Variants in AACS observed in about 807,000 individuals in gnomAD.
The protein encoded by AACS is acetoacetate-CoA ligase.
In AACS, 69 loss-of-function variants were observed where a neutral mutation model predicts 83.1. That is an observed-to-expected ratio of 0.83 (90% CI 0.68 to 1.01). The LOEUF is 1.01. AACS is among the 50% of genes least tolerant of loss of function. The pLI, the probability that AACS is intolerant of heterozygous loss-of-function variation, is 0.00. For missense variants in AACS, 866 were observed against 882.2 expected (o/e 0.98, Z 0.23); for synonymous variants, 333 against 343.4 (o/e 0.97, Z 0.33).
intron 14 of AACS, among the ~76,000 whole-genome samples, chr12:125,131,537 C>T (rs1294858842): frequency 6.6e-6 from 1 of 151,984 alleles, no homozygotes; most frequent in Non-Finnish European, 1.5e-5. Flanking sequence ...AAAGGAAGTA[C>T]ATATGTGTGA....
chr12:125,129,351 A>G lies in AACS; in HGVS notation c.1440A>G (p.Gly480=). ...AWNEEGKAVW[G]ESGELVCTKP... is the part of the protein sequence containing the mutation. Reference sequence around the variant, plus strand: ...CCATACCAGGAAAGGCGGTCTGGGGAGAGAGCGGCGAGCTGGTGTGTACTA... The same window carrying G: ...CCATACCAGGAAAGGCGGTCTGGGGGGAGAGCGGCGAGCTGGTGTGTACTA... The change falls in exon 14 of 18, where the codon GGA becomes GGG. Residue 480 remains glycine, a synonymous_variant. Transcript: ENST00000316519. This position sits in a 1 kb window ranked among gnomAD's most constrained non-coding sequence, Gnocchi z 4.3. The G allele has an allele frequency of 1.9e-6, 3 of 1,613,292 alleles. No homozygotes were observed. Among genetic ancestry groups the G allele is most frequent in the Admixed American group, 3.3e-5 (2 of 59,904 alleles).
At chr12:125,132,190 A>C (rs1957337942) in intron 14 of AACS, among the ~76,000 whole-genome samples, 1 of 152,234 alleles carries the variant, frequency 6.6e-6, no homozygotes. Context: ...GGAGCCAGCC[A>C]CTAGTGGATT....
At chr12:125,122,298 T>C (rs1031344226) in intron 10 of AACS, 5 of 152,036 alleles carry the variant, frequency 3.3e-5, no homozygotes, top group African/African-American at 9.7e-5. Flanking sequence ...GGAACAGCAG[T>C]GGACACTGAA....
intron 10 of AACS, chr12:125,120,087 T>G (rs1957127899): frequency 6.6e-6 from 1 of 152,168 alleles, no homozygotes; most frequent in Non-Finnish European, 1.5e-5. Flanking sequence ...GCCAGTTGGG[T>G]ACCCTTCTGG....
rs374355858 is a variant in AACS at position 125,103,047 on chromosome 12, A to G, written c.733A>G (p.Arg245Gly). ...KVVVIPYVSS[R>G]ENIDLSKIPN... ...GGTGGTGATTCCTTATGTGTCCTCCAGAGAGAACATAGACCTTTCAAAGAT... is the reference window on the plus strand; with the variant it reads ...GGTGGTGATTCCTTATGTGTCCTCCGGAGAGAACATAGACCTTTCAAAGAT... The change falls in exon 7 of 18, where the codon AGA (arginine) becomes GGA (glycine). Residue 245 changes from arginine (R) to glycine (G), a missense_variant. Coordinates refer to ENST00000316519, the MANE Select transcript of AACS (RefSeq NM_023928.5). 1.9e-5 allele frequency: 31 copies of G among 1,614,176 alleles called. No homozygotes were observed. Among genetic ancestry groups the G allele is most frequent in the Admixed American group, 5.0e-5 (3 of 60,008 alleles).
intron 3 of AACS, among the ~76,000 whole-genome samples, chr12:125,081,793 G>A (rs1352788842): frequency 6.6e-6 from 1 of 151,878 alleles, no homozygotes; most frequent in Non-Finnish European, 1.5e-5. Context: ...ATGTGGGAGA[G>A]GTAATAAAAA....
In AACS at chr12:125,107,380, A is replaced by G. The variant is rs1956858740; in HGVS notation, c.915+112A>G. 2.3e-5 allele frequency: 33 copies of G among 1,409,562 alleles called. 1 individual carries two copies. The South Asian group carries it at 4.2e-4, about 18-fold the overall frequency. 87.3% of individuals were successfully genotyped at this position (1,409,562 alleles called of 1,614,324 possible). ...TTGTCAAACTGCACCCCATCCCCGGAGAGTCCAACGTGCAGCTTCTCTCCA... is the reference window on the plus strand; with the variant it reads ...TTGTCAAACTGCACCCCATCCCCGGGGAGTCCAACGTGCAGCTTCTCTCCA... On this transcript the variant is annotated intron_variant, in intron 8 of 17. Coordinates refer to ENST00000316519, the MANE Select transcript of AACS (RefSeq NM_023928.5).
intron 9 of AACS, among the ~76,000 whole-genome samples, chr12:125,116,971 G>A (rs903119928): frequency 6.0e-5 from 9 of 150,944 alleles, no homozygotes; most frequent in Admixed American, 1.3e-4. Context: ...TCTTTTGACA[G>A]TCTCACTCTG....
Position 125,086,310 on chromosome 12 carries a change from T to C in AACS, c.359-20T>C. The C allele has an allele frequency of 6.2e-7, 1 of 1,611,396 alleles. No individual in the cohort carries two copies. Among genetic ancestry groups the C allele is most frequent in the Non-Finnish European group, 8.5e-7 (1 of 1,177,652 alleles). On this transcript the variant is annotated intron_variant, in intron 3 of 17. Coordinates refer to ENST00000316519, the MANE Select transcript of AACS (RefSeq NM_023928.5). ...TTTTTGCGGTGGTCTGTGTACAATT[T>C]ACCCTTTTTCTCTTCCCAGGGGAAG...
rs118098456 is a variant in AACS, at chr12:125,139,106, C to T, written c.1881+2242C>T. 890 of 152,320 alleles carry T rather than the reference C, an allele frequency of 5.8e-3. 3 individuals are homozygous for T. Among genetic ancestry groups the T allele is most frequent in the Middle Eastern group, 0.024 (7 of 294 alleles). The allele number at this position is 152,320 out of a possible 1,614,324, so 9.4% of individuals were successfully genotyped here. On this transcript the variant is annotated intron_variant, in intron 17 of 17. Transcript: ENST00000316519. ...CTGTCTCTGTGTGGAGAGACACTGC[C>T]GCTTCTGTTCCCTGGGAAGCCAGTG...
In AACS at chr12:125,102,657, G is replaced by T. The variant is rs1264198087; in HGVS notation, c.571-22G>T. The T allele has an allele frequency of 1.9e-6, 3 of 1,609,916 alleles. No homozygotes were observed. In the South Asian group the frequency reaches 3.3e-5, roughly 18 times the overall value. On this transcript the variant is annotated intron_variant, in intron 5 of 17. Coordinates refer to ENST00000316519, the MANE Select transcript of AACS (RefSeq NM_023928.5). ...TTTTGCCTTTTGGATGATCAATGAT[G>T]ACTTTTTCCTCCTGCTTTCAGGGTG...
chr12:125,097,917 C>G lies in AACS; in HGVS notation c.571-4762C>G, dbSNP rs1043947523. On this transcript the variant is annotated intron_variant, in intron 5 of 17. Transcript: ENST00000316519. The surrounding 1 kb of genome is among the most constrained non-coding windows in gnomAD (Gnocchi z 4.3). ...CTTCATACGTTTGATTGAGCGGTTC[C>G]TCGGTTCCTCTGTGACCCCGGCTAG... 2.0e-5 allele frequency among the ~76,000 whole-genome samples: 3 copies of G among 152,244 alleles called. No homozygotes were observed. The highest frequency in any genetic ancestry group is 2.0e-4 in the Admixed American group (3 of 15,284).
intron 1 of AACS, among the ~76,000 whole-genome samples, chr12:125,071,881 G>A (rs199733802): frequency 9.7e-6 from 1 of 103,290 alleles, no homozygotes; most frequent in Non-Finnish European, 2.0e-5. Flanking sequence ...GTTGTTGACA[G>A]AGTTTCGCTC....
intron 7 of AACS, 60 bp from the exon 8 acceptor site, chr12:125,107,061 T>C: frequency 6.2e-7 from 1 of 1,606,716 alleles, no homozygotes; most frequent in Non-Finnish European, 8.5e-7. Context: ...GTGGAATCAG[T>C]GGGTCCGGTC....
intron 14 of AACS, among the ~76,000 whole-genome samples, chr12:125,133,575 T>C (rs143653352): frequency 1.3e-5 from 2 of 152,358 alleles, no homozygotes; most frequent in African/African-American, 4.8e-5. Flanking sequence ...GCACGTGTAT[T>C]CCATTCCAAG....
intron 8 of AACS, among the ~76,000 whole-genome samples, chr12:125,108,863 CTTTTTT>C (rs60511961): frequency 7.9e-6 from 1 of 126,414 alleles, no homozygotes; most frequent in Admixed American, 8.0e-5. Context: ...ATTTTTGTGG[CTTTTTT>C]TTTTTTTTTT....
At chr12:125,070,161 T>C (rs1032792964) in intron 1 of AACS, among the ~76,000 whole-genome samples, 7 of 152,188 alleles carry the variant, frequency 4.6e-5, no homozygotes, top group Admixed American at 4.6e-4. Context: ...AGGTGCTGTA[T>C]AAACTGCGTG....
chr12:125,101,670 G>A (rs1190232476), intron 5 of AACS: 3 of 150,926 alleles, frequency 2.0e-5, no homozygotes, highest in African/African-American at 7.3e-5. Flanking sequence ...TCATATTTCA[G>A]TATATGTCTG....
intron 5 of AACS, 122 bp downstream of exon 5, chr12:125,091,645 C>A: frequency 1.0e-6 from 1 of 961,088 alleles, no homozygotes; most frequent in Non-Finnish European, 1.6e-6. Context: ...GAGGAGGTGG[C>A]GTTGCAGCTG....
Sources: gnomAD v4.1 joint callset for allele counts (sites outside exome capture counted in the v4.1 genomes callset) on GRCh38, gnomAD v4.1.1 for gene constraint, Gnocchi (gnomAD v3.1) non-coding constraint, MANE v1.5 for transcripts, NCBI Gene and HGNC (gene_info 2026-07-23, HGNC 2026-07-21) for gene names.